FAAH2: variants seen among roughly 807,000 people sequenced by gnomAD.
FAAH2 encodes fatty-acid amide hydrolase 2.
In FAAH2, 60 loss-of-function variants were observed where a neutral mutation model predicts 36.9. The ratio of observed to expected loss-of-function variants is 1.63; its 90% CI spans 1.32 to 2.02. The LOEUF is 2.02. Ranked by LOEUF, FAAH2 falls within the 30% of genes most tolerant of loss-of-function variation. The probability of loss-of-function intolerance (pLI) is 0.00; values close to 1 mark genes in which losing one functional copy is unlikely to be tolerated. For synonymous variants in FAAH2, 214 were observed against 143.8 expected (o/e 1.49, Z -3.49); for missense variants, 689 against 397.5 (o/e 1.73, Z -6.23).
chrX:57,253,845 C>T, the FAAH2 span, among the ~76,000 whole-genome samples: 6 of 111,871 alleles, frequency 5.4e-5, no homozygotes, highest in East Asian at 1.4e-3. Context: ...ACCATCAACA[C>T]TATGAAGAAA....
the FAAH2 span, among the ~76,000 whole-genome samples, chrX:57,168,812 A>G: frequency 8.9e-6 from 1 of 112,101 alleles, no homozygotes; most frequent in African/African-American, 3.2e-5. Context: ...GCATTTTATA[A>G]TATTTTAAAT....
the FAAH2 span, among the ~76,000 whole-genome samples, chrX:57,240,063 T>C: frequency 8.9e-6 from 1 of 112,400 alleles, no homozygotes; most frequent in Non-Finnish European, 1.9e-5. Flanking sequence ...AAACCATTGC[T>C]AGGGAGCTAG....
At chrX:57,391,977 A>G (rs1454139203) in intron 7 of FAAH2, among the ~76,000 whole-genome samples, 1 of 110,791 alleles carries the variant, frequency 9.0e-6, no homozygotes, top group African/African-American at 3.3e-5. Context: ...TCTGGCATCT[A>G]TGATTTATTA....
At chrX:57,393,585 G>A in intron 7 of FAAH2, 1 of 899,265 alleles carries the variant, frequency 1.1e-6, no homozygotes, top group Non-Finnish European at 1.6e-6. Flanking sequence ...ATGAGATTGG[G>A]CTTGATTGTG....
the FAAH2 span, among the ~76,000 whole-genome samples, chrX:57,205,944 G>A: frequency 1.8e-5 from 2 of 111,567 alleles, no homozygotes; most frequent in African/African-American, 6.5e-5. Context: ...TATCGTAGTA[G>A]CGATTTGATC....
the FAAH2 span, among the ~76,000 whole-genome samples, chrX:57,281,601 T>C: frequency 8.9e-6 from 1 of 111,953 alleles, no homozygotes; most frequent in Non-Finnish European, 1.9e-5. Flanking sequence ...GTGGTACATG[T>C]ATAGGTTTGA....
intron 5 of FAAH2, among the ~76,000 whole-genome samples, chrX:57,349,245 A>G (rs1006410810): frequency 3.7e-5 from 2 of 53,832 alleles, no homozygotes; most frequent in Non-Finnish European, 1.1e-4. Context: ...ATATGTATGT[A>G]TATCTGTGTG....
chrX:57,178,322 T>C, the FAAH2 span, among the ~76,000 whole-genome samples: 1 of 112,254 alleles, frequency 8.9e-6, no homozygotes, highest in Non-Finnish European at 1.9e-5. Flanking sequence ...ACAAAAAGTT[T>C]TCTTTTTCCT....
At chrX:57,141,883 T>C in the FAAH2 span, among the ~76,000 whole-genome samples, 1 of 111,108 alleles carries the variant, frequency 9.0e-6, no homozygotes, top group African/African-American at 3.3e-5. Flanking sequence ...GCTGCACCTG[T>C]CAACCCATCA....
At chrX:57,445,457 A>C (rs1357132434) in intron 8 of FAAH2, among the ~76,000 whole-genome samples, 7 of 111,595 alleles carry the variant, frequency 6.3e-5, no homozygotes, top group African/African-American at 2.3e-4. Context: ...AAGCTAGCAC[A>C]GTACGGGGTC....
At chrX:57,365,174 A>G (rs899577313) in intron 5 of FAAH2, among the ~76,000 whole-genome samples, 1 of 111,735 alleles carries the variant, frequency 8.9e-6, no homozygotes, top group Non-Finnish European at 1.9e-5. Flanking sequence ...TTGTTTCTGC[A>G]TGTTTTTGTG....
intron 5 of FAAH2, among the ~76,000 whole-genome samples, chrX:57,364,193 T>C (rs963969960): frequency 9.2e-6 from 1 of 108,807 alleles, no homozygotes; most frequent in Non-Finnish European, 1.9e-5. Flanking sequence ...TGCAGGGCTT[T>C]TTTCTTGGTA....
intron 7 of FAAH2, among the ~76,000 whole-genome samples, chrX:57,395,893 A>AT (rs2055283311): frequency 9.0e-6 from 1 of 111,543 alleles, no homozygotes; most frequent in Admixed American, 9.5e-5. Flanking sequence ...TTCTTCCTTG[A>AT]TTTTTTGGCA....
the FAAH2 span, among the ~76,000 whole-genome samples, chrX:57,203,822 G>A: frequency 8.9e-6 from 1 of 111,961 alleles, no homozygotes; most frequent in Non-Finnish European, 1.9e-5. Context: ...CCAAAGACAA[G>A]TTTGTAGAGT....
At chrX:57,439,319 T>C (rs1476516440) in intron 8 of FAAH2, among the ~76,000 whole-genome samples, 3 of 111,415 alleles carry the variant, frequency 2.7e-5, no homozygotes, top group Non-Finnish European at 5.7e-5. Context: ...TGGTATCTCA[T>C]TGTGGTTTTG....
intron 5 of FAAH2, among the ~76,000 whole-genome samples, chrX:57,374,536 G>A (rs186288553): frequency 1.3e-4 from 14 of 111,878 alleles, no homozygotes; most frequent in Non-Finnish European, 2.3e-4. Flanking sequence ...TAGCAGAGCT[G>A]CTGATTTGTG....
intron 5 of FAAH2, among the ~76,000 whole-genome samples, chrX:57,349,225 A>G (rs2053923392): frequency 1.2e-5 from 1 of 82,717 alleles, no homozygotes; most frequent in Non-Finnish European, 2.4e-5. Context: ...ATATATGTGT[A>G]TGTATGTATA....
the FAAH2 span, among the ~76,000 whole-genome samples, chrX:57,276,700 A>C: frequency 8.9e-6 from 1 of 111,808 alleles, no homozygotes. Context: ...AGAAGAAAAA[A>C]GAGAAGAATC....
intron 3 of FAAH2, among the ~76,000 whole-genome samples, chrX:57,323,616 G>A (rs930006897): frequency 1.8e-5 from 2 of 109,836 alleles, no homozygotes; most frequent in African/African-American, 6.6e-5. Flanking sequence ...TGTGTCTTTT[G>A]GCTGCATAAA....
Sources: gnomAD v4.1 joint callset for allele counts (sites outside exome capture counted in the v4.1 genomes callset) on GRCh38, gnomAD v4.1.1 for gene constraint, MANE v1.5 for transcripts, NCBI Gene and HGNC (gene_info 2026-07-23, HGNC 2026-07-21) for gene names.